Variants in COL4A6 observed in about 807,000 individuals in gnomAD.
COL4A6 encodes collagen type IV alpha 6 chain.
Under a neutral mutation model 126.7 loss-of-function variants are expected in COL4A6, and 59 were observed. The observed-to-expected ratio is 0.47, with a 90% CI of 0.38 to 0.58. The LOEUF is 0.58. Ranked by LOEUF, COL4A6 falls within the 20% of genes least tolerant of loss-of-function variation. The pLI, the probability that COL4A6 is intolerant of heterozygous loss-of-function variation, is 0.00. For synonymous variants in COL4A6, 547 were observed against 496.6 expected (o/e 1.10, Z -1.35); for missense variants, 1,285 against 1,337.3 (o/e 0.96, Z 0.61).
At chrX:108,265,545 G>T (rs1396120530) in intron 3 of COL4A6, among the ~76,000 whole-genome samples, 1 of 110,773 alleles carries the variant, frequency 9.0e-6, no homozygotes, top group East Asian at 2.9e-4. Context: ...ATCTAAGGAG[G>T]TCTAATACAA....
intron 2 of COL4A6, among the ~76,000 whole-genome samples, chrX:108,341,789 T>C (rs1188972494): frequency 1.8e-5 from 2 of 111,577 alleles, no homozygotes; most frequent in Non-Finnish European, 3.8e-5. Flanking sequence ...TTGAGAATTG[T>C]ACTAGATTAT....
chrX:108,364,604 A>T (rs1474489305), intron 2 of COL4A6, among the ~76,000 whole-genome samples: 1 of 110,270 alleles, frequency 9.1e-6, no homozygotes, highest in African/African-American at 3.3e-5. Context: ...TGAGTCTCAA[A>T]TGTCTATCAT....
At chrX:108,273,207 G>A (rs1490690498) in intron 3 of COL4A6, among the ~76,000 whole-genome samples, 1 of 110,690 alleles carries the variant, frequency 9.0e-6, no homozygotes, top group African/African-American at 3.3e-5. Context: ...AGACATTTAT[G>A]CAGCCAACAG....
chrX:108,172,373 A>G (rs2034336983), intron 32 of COL4A6, 96 bp downstream of exon 32: 1 of 401,113 alleles, frequency 2.5e-6, no homozygotes, highest in Non-Finnish European at 3.7e-6. Context: ...AAGAAAAAAA[A>G]AAAAAAAAAA....
chrX:108,234,094 C>T (rs747624606), intron 3 of COL4A6, among the ~76,000 whole-genome samples: 1 of 111,650 alleles, frequency 9.0e-6, no homozygotes, highest in African/African-American at 3.3e-5. Flanking sequence ...TACAAGTTTA[C>T]GTTGGTGAAG....
At chrX:108,372,220 A>C (rs1233529643) in intron 2 of COL4A6, among the ~76,000 whole-genome samples, 1 of 111,298 alleles carries the variant, frequency 9.0e-6, no homozygotes, top group Admixed American at 9.6e-5. Context: ...AGCTCCCTTA[A>C]TCTCAGTAAC....
chrX:108,403,031 T>A (rs2041122626), intron 2 of COL4A6, among the ~76,000 whole-genome samples: 1 of 111,498 alleles, frequency 9.0e-6, no homozygotes, highest in African/African-American at 3.2e-5. Flanking sequence ...TTGAATGAGG[T>A]GTTTAAAAAT....
intron 3 of COL4A6, among the ~76,000 whole-genome samples, chrX:108,288,375 AT>A (rs745947202): frequency 6.3e-5 from 7 of 111,344 alleles, no homozygotes; most frequent in Admixed American, 9.5e-5. Flanking sequence ...AAAAAAGTAC[AT>A]TTTTTTTGTT....
At chrX:108,348,330 T>C (rs1198728440) in intron 2 of COL4A6, among the ~76,000 whole-genome samples, 1 of 106,244 alleles carries the variant, frequency 9.4e-6, no homozygotes, top group Non-Finnish European at 1.9e-5. Context: ...ATTTTGCAAA[T>C]GGATTTCCTT....
intron 5 of COL4A6, among the ~76,000 whole-genome samples, chrX:108,216,577 T>G (rs1318617549): frequency 8.9e-6 from 1 of 112,667 alleles, no homozygotes; most frequent in Non-Finnish European, 1.9e-5. Flanking sequence ...TCCTCTCAGT[T>G]CTCAGAACCA....
chrX:108,334,340 T>C (rs923964125), intron 2 of COL4A6, among the ~76,000 whole-genome samples: 6 of 111,827 alleles, frequency 5.4e-5, no homozygotes, highest in Non-Finnish European at 9.4e-5. Flanking sequence ...TATTTACTTC[T>C]GAACATCAAG....
intron 5 of COL4A6, among the ~76,000 whole-genome samples, chrX:108,215,389 G>A (rs989903558): frequency 1.8e-5 from 2 of 111,889 alleles, no homozygotes; most frequent in Non-Finnish European, 3.8e-5. Context: ...TGCAGACTCA[G>A]GTGATGATTT....
At chrX:108,395,559 T>G (rs1017908854) in intron 2 of COL4A6, among the ~76,000 whole-genome samples, 5 of 112,336 alleles carry the variant, frequency 4.5e-5, no homozygotes, top group African/African-American at 1.6e-4. Flanking sequence ...TTATAAAATA[T>G]AAATGATTTG....
intron 41 of COL4A6, among the ~76,000 whole-genome samples, chrX:108,162,034 G>A (rs1266983601): frequency 1.8e-5 from 2 of 112,247 alleles, no homozygotes; most frequent in African/African-American, 3.2e-5. Context: ...GCAGGGCAAC[G>A]GCGAGCATCC....
At chrX:108,188,155 T>C in intron 21 of COL4A6, 128 bp from the exon 22 acceptor site, 1 of 488,831 alleles carries the variant, frequency 2.0e-6, no homozygotes, top group Non-Finnish European at 3.2e-6. Context: ...ACTGATTATG[T>C]TGTAATCTTG....
At chrX:108,173,703 A>G (rs923788610) in intron 31 of COL4A6, among the ~76,000 whole-genome samples, 2 of 112,391 alleles carry the variant, frequency 1.8e-5, no homozygotes, top group African/African-American at 6.5e-5. Flanking sequence ...TACTGTCTGA[A>G]GGCTATTTAA....
At chrX:108,272,485 C>T in intron 3 of COL4A6, among the ~76,000 whole-genome samples, 1 of 111,411 alleles carries the variant, frequency 9.0e-6, no homozygotes, top group Non-Finnish European at 1.9e-5. Context: ...CCTCAACAAT[C>T]CTGTCACTCC....
intron 2 of COL4A6, among the ~76,000 whole-genome samples, chrX:108,389,687 G>T (rs2040787484): frequency 9.0e-6 from 1 of 111,209 alleles, no homozygotes; most frequent in Admixed American, 9.6e-5. Context: ...TATCCAATTT[G>T]TCAGTCTGTG....
chrX:108,289,103 G>A (rs1354749235), intron 3 of COL4A6, among the ~76,000 whole-genome samples: 2 of 111,671 alleles, frequency 1.8e-5, no homozygotes, highest in Non-Finnish European at 3.8e-5. Context: ...TCAGCTAAAT[G>A]CAAAGCATAA....
Sources: allele counts gnomAD v4.1 joint callset (sites outside exome capture counted in the v4.1 genomes callset), GRCh38; gene constraint gnomAD v4.1.1; transcripts MANE v1.5; gene names NCBI Gene and HGNC (gene_info 2026-07-23, HGNC 2026-07-21).